The following CRISPLD2 variants were observed in gnomAD, a reference collection of about 807,000 sequenced individuals.
The protein encoded by CRISPLD2 is cysteine-rich secretory protein LCCL domain-containing 2.
A neutral mutation model predicts 71.1 loss-of-function variants in CRISPLD2; 47 were observed. That is an observed-to-expected ratio of 0.66 (90% CI 0.52 to 0.84). CRISPLD2 has a LOEUF of 0.84. Among genes scored for constraint, CRISPLD2 ranks in the 40% least tolerant of loss-of-function variants. The probability of loss-of-function intolerance (pLI) is 0.00; values close to 1 mark genes in which losing one functional copy is unlikely to be tolerated. For missense variants in CRISPLD2, 830 were observed against 651.1 expected, an observed-to-expected ratio of 1.27 and a Z score of -2.99; for synonymous variants, 317 against 250.1, an observed-to-expected ratio of 1.27 and a Z score of -2.52.
rs188974350 is a variant in CRISPLD2 at position 84,851,437 on chromosome 16, G to A, written c.608+754G>A. 5.3e-5 allele frequency among the ~76,000 whole-genome samples: 8 copies of A among 151,512 alleles called. No individual in the cohort carries two copies. The East Asian group carries it at 1.2e-3, about 22-fold the overall frequency. ...CGCTGGCCACCGCCGTTCTTGCCCC[G>A]TGCCCTGTGTAGAGTGGGCCCCGGG... is the stretch of plus-strand genomic sequence containing the variant. On this transcript the variant is annotated intron_variant, in intron 5 of 14. Transcript: ENST00000262424.
chr16:84,878,348 C>G (rs1476889844), intron 12 of CRISPLD2, among the ~76,000 whole-genome samples: 6 of 152,220 alleles, frequency 3.9e-5, no homozygotes, highest in Non-Finnish European at 7.3e-5. Flanking sequence ...GTCCCTCTCC[C>G]TCCAGCTCCC....
chr16:84,859,302 C>G (rs906392413), intron 6 of CRISPLD2, among the ~76,000 whole-genome samples: 1 of 152,200 alleles, frequency 6.6e-6, no homozygotes, highest in Non-Finnish European at 1.5e-5. Flanking sequence ...ATTACCTGAC[C>G]TCCATAAGCC....
chr16:84,897,447 C>T (rs560298464), intron 14 of CRISPLD2, among the ~76,000 whole-genome samples: 49 of 152,170 alleles, frequency 3.2e-4, no homozygotes, highest in African/African-American at 9.9e-4. Flanking sequence ...AGAGCAAGAC[C>T]GTGTCTCAAA....
intron 12 of CRISPLD2, among the ~76,000 whole-genome samples, chr16:84,878,715 A>G (rs1478252311): frequency 2.0e-5 from 3 of 148,096 alleles, no homozygotes; most frequent in Non-Finnish European, 4.4e-5. Context: ...ACACAGGAAC[A>G]TCCTCTTATT....
chr16:84,852,426 T>C (rs1283272309), intron 5 of CRISPLD2, among the ~76,000 whole-genome samples: 6 of 152,290 alleles, frequency 3.9e-5, no homozygotes, highest in Middle Eastern at 3.4e-3. Context: ...GGACCTCATA[T>C]GAAGGGGGCC....
chr16:84,909,101 C>T lies in CRISPLD2; in HGVS notation c.*2459C>T, dbSNP rs2071830421. 1 of 152,596 alleles carries T rather than the reference C, an allele frequency of 6.6e-6. No homozygotes were observed. Among genetic ancestry groups the T allele is most frequent in the Non-Finnish European group, 1.5e-5 (1 of 68,050 alleles). The allele number at this position is 152,596 out of a possible 1,614,324, so 9.5% of individuals were successfully genotyped here. A position where few individuals can be genotyped will look rare whatever the true frequency, so the allele number is the denominator to read the frequency against. Reference sequence around the variant, plus strand: ...AAGCCCTGTCCCTAGCACCACCTCTCCTGTGTGTGGAATAGAGGCCCCTCG... The same window carrying T: ...AAGCCCTGTCCCTAGCACCACCTCTTCTGTGTGTGGAATAGAGGCCCCTCG... On this transcript the variant is annotated 3_prime_UTR_variant, in exon 15 of 15. Transcript: ENST00000262424.
At chr16:84,901,158 T>C (rs2071750571) in intron 14 of CRISPLD2, among the ~76,000 whole-genome samples, 1 of 152,196 alleles carries the variant, frequency 6.6e-6, no homozygotes. Flanking sequence ...GAGTTCTTTC[T>C]GTATAGTAAA....
rs2071806163 is a variant in CRISPLD2 at position 84,906,737 on chromosome 16, G to A, written c.*95G>A. On this transcript the variant is annotated 3_prime_UTR_variant, in exon 15 of 15. Coordinates refer to ENST00000262424, the MANE Select transcript of CRISPLD2 (RefSeq NM_031476.4). ...TCATTGCGGGGTATATGGAGAGTCA[G>A]GAAACTTCCTTTGACTGATGTTCAG... The A allele has an allele frequency of 7.1e-7, 1 of 1,402,030 alleles. No individual in the cohort carries two copies. The highest frequency in any genetic ancestry group is 1.0e-6 in the Non-Finnish European group (1 of 988,614). 86.8% of individuals were successfully genotyped at this position (1,402,030 alleles called of 1,614,324 possible).
chr16:84,880,335 C>A (rs2143314764), intron 12 of CRISPLD2, among the ~76,000 whole-genome samples, 174 bp from the exon 13 acceptor site: 1 of 152,112 alleles, frequency 6.6e-6, no homozygotes, highest in East Asian at 1.9e-4. Context: ...ATAGTAATAT[C>A]TTTACCTCTG....
intron 13 of CRISPLD2, among the ~76,000 whole-genome samples, chr16:84,885,574 T>C (rs1362195688): frequency 1.3e-5 from 2 of 152,200 alleles, no homozygotes; most frequent in Non-Finnish European, 2.9e-5. Flanking sequence ...GGACCCCGCT[T>C]TGGGCTAAGG....
chr16:84,842,986 G>T (rs972330346), intron 2 of CRISPLD2, among the ~76,000 whole-genome samples: 1 of 152,192 alleles, frequency 6.6e-6, no homozygotes, highest in African/African-American at 2.4e-5. Flanking sequence ...TGCACTGTGT[G>T]GTCCTCCCGG....
chr16:84,839,644 C>T (rs1404526124), intron 2 of CRISPLD2: 1 of 152,354 alleles, frequency 6.6e-6, no homozygotes, highest in Non-Finnish European at 1.5e-5. Context: ...ACCCCAAGCT[C>T]CAGTGTGGAA....
intron 6 of CRISPLD2, among the ~76,000 whole-genome samples, chr16:84,862,656 G>A (rs1187072772): frequency 6.8e-6 from 1 of 146,786 alleles, no homozygotes; most frequent in Non-Finnish European, 1.5e-5. Flanking sequence ...TGCTGACCAT[G>A]CTCGTGTGGC....
chr16:84,866,762 T>C lies in CRISPLD2; in HGVS notation c.710-135T>C, dbSNP rs1320341839. The C allele has an allele frequency of 1.2e-5, 10 of 829,576 alleles. No individual in the cohort carries two copies. The East Asian group carries it at 2.7e-4, about 22-fold the overall frequency. 51.4% of individuals were successfully genotyped at this position (829,576 alleles called of 1,614,324 possible). A position where few individuals can be genotyped will look rare whatever the true frequency, so the allele number is the denominator to read the frequency against. Reference sequence around the variant, plus strand: ...AGGTCTGTTCTGAAATGTAACTTTCTCTTTGCCGCTGAAATGATTCTTTGT... The same window carrying C: ...AGGTCTGTTCTGAAATGTAACTTTCCCTTTGCCGCTGAAATGATTCTTTGT... On this transcript the variant is annotated intron_variant, in intron 6 of 14. Transcript: ENST00000262424.
chr16:84,894,185 A>G (rs2071686316), intron 14 of CRISPLD2, among the ~76,000 whole-genome samples: 1 of 152,130 alleles, frequency 6.6e-6, no homozygotes, highest in South Asian at 2.1e-4. Context: ...CTGCTCTCTC[A>G]CCCCTGCCCA....
At chr16:84,872,307 A>G in intron 8 of CRISPLD2, 135 bp from the exon 9 acceptor site, 3 of 780,002 alleles carry the variant, frequency 3.8e-6, no homozygotes, top group South Asian at 1.5e-5. Flanking sequence ...GACTTGTCCA[A>G]AAACAATGGA....
intron 8 of CRISPLD2, among the ~76,000 whole-genome samples, chr16:84,871,846 C>T (rs2071471904): frequency 7.7e-6 from 1 of 129,334 alleles, no homozygotes; most frequent in Non-Finnish European, 1.5e-5. Flanking sequence ...GCCACTGTGC[C>T]TGGCCTTGTT....
In CRISPLD2 at chr16:84,845,437, C is replaced by T. The variant is rs146673299; in HGVS notation, c.241-349C>T. Among the ~76,000 whole-genome samples, 17 of 152,336 alleles carry T rather than the reference C, an allele frequency of 1.1e-4. No individual in the cohort carries two copies. The East Asian group carries it at 2.1e-3, about 19-fold the overall frequency. ...ACAGGCTTCCAGGCCAAGACCGTCC[C>T]TAGAGATGGCTGCTGACCTTCCCTT... On this transcript the variant is annotated intron_variant, in intron 2 of 14. Transcript: ENST00000262424.
intron 1 of CRISPLD2, among the ~76,000 whole-genome samples, chr16:84,830,834 G>C (rs555715351): frequency 2.6e-5 from 4 of 152,142 alleles, no homozygotes; most frequent in Non-Finnish European, 4.4e-5. Flanking sequence ...TGGGATCTGC[G>C]TGATGGAAAG....
Sources: allele counts gnomAD v4.1 joint callset (sites outside exome capture counted in the v4.1 genomes callset), GRCh38; gene constraint gnomAD v4.1.1; transcripts MANE v1.5; gene names NCBI Gene and HGNC (gene_info 2026-07-23, HGNC 2026-07-21).